Variants in SYNPO2 observed in about 807,000 individuals in gnomAD.
SYNPO2 encodes synaptopodin 2, also known as synaptopodin-2.
SYNPO2 carries 56 observed loss-of-function variants against 85.0 expected under a neutral mutation model. The observed-to-expected ratio is 0.66, with a 90% CI of 0.53 to 0.82. SYNPO2 has a LOEUF of 0.82. Ranked by LOEUF, SYNPO2 falls within the 40% of genes least tolerant of loss-of-function variation. The pLI, the probability that SYNPO2 is intolerant of heterozygous loss-of-function variation, is 0.00. For synonymous variants in SYNPO2, 602 were observed against 591.1 expected, an observed-to-expected ratio of 1.02 and a Z score of -0.27; for missense variants, 1,575 against 1,534.2, an observed-to-expected ratio of 1.03 and a Z score of -0.44.
rs534762713 is a variant in SYNPO2 at position 118,996,648 on chromosome 4, G to A, written c.106-26782G>A. ...CAGTGGGGGTGGATCATGAGGTCAG[G>A]AGATTGAGACTATCCTGGCTAACAT... On this transcript the variant is annotated intron_variant, in intron 1 of 4. Coordinates refer to ENST00000307142, the MANE Select transcript of SYNPO2 (RefSeq NM_133477.3). Among the ~76,000 whole-genome samples the A allele has an allele frequency of 1.4e-3, 211 of 152,008 alleles. 1 individual carries two copies. Among genetic ancestry groups the A allele is most frequent in the African/African-American group, 4.7e-3 (195 of 41,446 alleles).
intron 1 of SYNPO2, among the ~76,000 whole-genome samples, chr4:118,879,415 A>C (rs1260146866): frequency 6.6e-6 from 1 of 152,154 alleles, no homozygotes; most frequent in Non-Finnish European, 1.5e-5. Context: ...GGCTGTGCGA[A>C]GGTAATTAGC....
At chr4:118,953,697 A>G (rs1734772972) in intron 1 of SYNPO2, among the ~76,000 whole-genome samples, 1 of 152,168 alleles carries the variant, frequency 6.6e-6, no homozygotes, top group African/African-American at 2.4e-5. Flanking sequence ...CATTTTCATA[A>G]TTTGCATGTA....
chr4:119,050,047 T>C (rs776781005), intron 4 of SYNPO2, among the ~76,000 whole-genome samples: 2 of 152,116 alleles, frequency 1.3e-5, no homozygotes, highest in Admixed American at 6.5e-5. Context: ...AAAGATGTTC[T>C]CAGGCTGGGT....
chr4:119,009,412 A>G (rs903166147), intron 1 of SYNPO2, among the ~76,000 whole-genome samples: 1 of 152,220 alleles, frequency 6.6e-6, no homozygotes, highest in Non-Finnish European at 1.5e-5. Context: ...TCATAGACTT[A>G]TCTTCTAGTC....
Position 118,892,621 on chromosome 4 carries a change from CAAA to C in SYNPO2, c.105+3484_105+3486del, listed in dbSNP as rs569486740. ...GGAGTGGGGAGAAATTTTTGTTTTACAAAAAATCTTACCTGCAATTGAAAAATT... is the reference window on the plus strand; with the variant it reads ...GGAGTGGGGAGAAATTTTTGTTTTACAAATCTTACCTGCAATTGAAAAATT... On this transcript the variant is annotated intron_variant, in intron 1 of 4. Transcript: ENST00000307142. 2.2e-3 allele frequency among the ~76,000 whole-genome samples: 327 copies of C among 151,872 alleles called. 1 individual carries two copies. Among genetic ancestry groups the C allele is most frequent in the African/African-American group, 6.8e-3 (282 of 41,452 alleles).
intron 1 of SYNPO2, among the ~76,000 whole-genome samples, chr4:118,876,921 G>A (rs1731936994): frequency 6.6e-6 from 1 of 151,600 alleles, no homozygotes; most frequent in Non-Finnish European, 1.5e-5. Flanking sequence ...CTCCTGAGTA[G>A]CTGGGACTAT....
At chr4:119,032,496 T>C in intron 4 of SYNPO2, 1 of 1,022,316 alleles carries the variant, frequency 9.8e-7, no homozygotes, top group Non-Finnish European at 1.2e-6. Flanking sequence ...TTATCTCTAT[T>C]ACTAGTGTTA....
Position 119,061,070 on chromosome 4 carries a change from A to G in SYNPO2, c.*3136A>G, listed in dbSNP as rs1739397445. ...TTAAGAGAAAGTAAATTTTCACATTAGATTTCTATTCAAAGTACTAATATC... is the reference window on the plus strand; with the variant it reads ...TTAAGAGAAAGTAAATTTTCACATTGGATTTCTATTCAAAGTACTAATATC... On this transcript the variant is annotated 3_prime_UTR_variant, in exon 5 of 5. Transcript: ENST00000307142. 6.6e-6 allele frequency: 1 copy of G among 152,156 alleles called. No individual in the cohort carries two copies. The highest frequency in any genetic ancestry group is 2.4e-5 in the African/African-American group (1 of 41,452). 9.4% of individuals were successfully genotyped at this position (152,156 alleles called of 1,614,324 possible).
At chr4:118,915,368 A>G (rs1733281400) in intron 1 of SYNPO2, among the ~76,000 whole-genome samples, 1 of 152,114 alleles carries the variant, frequency 6.6e-6, no homozygotes, top group African/African-American at 2.4e-5. Context: ...ATATAGTTTT[A>G]TTGAATATTT....
intron 4 of SYNPO2, chr4:119,035,096 A>G (rs893768354): frequency 8.1e-6 from 8 of 985,470 alleles, no homozygotes; most frequent in Non-Finnish European, 9.6e-6. Context: ...CCTTATGTAT[A>G]TTATCCCAAA....
chr4:119,007,226 A>ATG (rs1553945909), intron 1 of SYNPO2, among the ~76,000 whole-genome samples: 1 of 42,526 alleles, frequency 2.4e-5, no homozygotes, highest in Non-Finnish European at 4.2e-5. Context: ...GTATATATAT[A>ATG]TATATATATA....
intron 1 of SYNPO2, among the ~76,000 whole-genome samples, chr4:118,873,005 T>C (rs1376712073): frequency 1.3e-5 from 2 of 152,192 alleles, no homozygotes; most frequent in Admixed American, 6.5e-5. Flanking sequence ...ATAATTTCAC[T>C]TGTTTTTTTA....
At chr4:118,951,791 A>G (rs1734707673) in intron 1 of SYNPO2, among the ~76,000 whole-genome samples, 1 of 152,236 alleles carries the variant, frequency 6.6e-6, no homozygotes, top group Non-Finnish European at 1.5e-5. Flanking sequence ...AATAATTTGA[A>G]AAACGTAGGA....
At chr4:119,048,245 T>C (rs1738930235) in intron 4 of SYNPO2, among the ~76,000 whole-genome samples, 1 of 152,206 alleles carries the variant, frequency 6.6e-6, no homozygotes, top group Non-Finnish European at 1.5e-5. Context: ...TCTGTTTGTG[T>C]CCCTTGTCAC....
Position 118,871,758 on chromosome 4 carries a change from G to C in SYNPO2, c.12+20818G>C, listed in dbSNP as rs139414867. Among the ~76,000 whole-genome samples the C allele has an allele frequency of 3.3e-5, 5 of 152,058 alleles. No individual in the cohort carries two copies. In the South Asian group the frequency reaches 1.0e-3, roughly 32 times the overall value. On this transcript the variant is annotated intron_variant, in intron 1 of 4. Transcript: ENST00000610556. The stretch of plus-strand genomic sequence containing the variant: ...CTAATTTGTTGTATTTTTAGTAGAG[G>C]CGGGGTTTCACATTGTTAGCCAGGA...
intron 1 of SYNPO2, among the ~76,000 whole-genome samples, chr4:118,862,729 T>C (rs1731631771): frequency 6.6e-6 from 1 of 152,198 alleles, no homozygotes; most frequent in Non-Finnish European, 1.5e-5. Context: ...TTCAGTTTGC[T>C]AGTATTTTGT....
At chr4:118,881,075 G>T (rs1732081506) in intron 1 of SYNPO2, among the ~76,000 whole-genome samples, 1 of 152,014 alleles carries the variant, frequency 6.6e-6, no homozygotes, top group Non-Finnish European at 1.5e-5. Context: ...GGCCTAGGTG[G>T]GCGGATCACA....
chr4:119,033,369 T>G, intron 4 of SYNPO2: 1 of 985,428 alleles, frequency 1.0e-6, no homozygotes, highest in South Asian at 4.7e-5. Flanking sequence ...AAGGTTACCT[T>G]GTAAACTTTA....
chr4:119,012,375 CTTTTTTTTT>C (rs10651853), intron 1 of SYNPO2, among the ~76,000 whole-genome samples: 2 of 109,766 alleles, frequency 1.8e-5, no homozygotes, highest in African/African-American at 6.7e-5. Context: ...TCCCCCTTTT[CTTTTTTTTT>C]TTTTTTTTTA....
Sources: allele counts gnomAD v4.1 joint callset (sites outside exome capture counted in the v4.1 genomes callset), GRCh38; gene constraint gnomAD v4.1.1; transcripts MANE v1.5; gene names NCBI Gene and HGNC (gene_info 2026-07-23, HGNC 2026-07-21).